The following LRBA variants were observed in gnomAD, a reference collection of about 807,000 sequenced individuals.
LRBA encodes LPS responsive beige-like anchor protein, also known as lipopolysaccharide-responsive and beige-like anchor protein.
LRBA carries 176 observed loss-of-function variants against 330.0 expected under a neutral mutation model. That is an observed-to-expected ratio of 0.53 (90% CI 0.47 to 0.60). The LOEUF is 0.60. Ranked by LOEUF, LRBA falls within the 20% of genes least tolerant of loss-of-function variation. The pLI is 0.00. For synonymous variants in LRBA, 1,230 were observed against 1,193.0 expected (o/e 1.03, Z -0.64); for missense variants, 3,259 against 3,444.8 (o/e 0.95, Z 1.35).
intron 2 of LRBA, among the ~76,000 whole-genome samples, chr4:150,960,877 C>T (rs1184111580): frequency 6.7e-6 from 1 of 149,458 alleles, no homozygotes; most frequent in Non-Finnish European, 1.5e-5. Context: ...TTGTAACTCA[C>T]AGCCTGTATT....
chr4:150,422,854 C>T (rs1339459628), intron 46 of LRBA: 12 of 1,312,880 alleles, frequency 9.1e-6, no homozygotes, highest in Admixed American at 3.4e-5. Flanking sequence ...AACTCCACCA[C>T]GTGATCCACC....
At chr4:150,886,245 T>C (rs952354405) in intron 17 of LRBA, among the ~76,000 whole-genome samples, 9 of 152,140 alleles carry the variant, frequency 5.9e-5, no homozygotes, top group African/African-American at 2.2e-4. Context: ...AATCTGCCCC[T>C]GTTTCAGGGC....
At chr4:150,914,377 C>CAAA in intron 8 of LRBA, 36 bp from the exon 9 acceptor site, 3 of 1,354,932 alleles carry the variant, frequency 2.2e-6, no homozygotes, top group African/African-American at 1.5e-5. Context: ...TAGGAAAAAA[C>CAAA]AAAAAAAAAC....
intron 36 of LRBA, among the ~76,000 whole-genome samples, chr4:150,691,078 T>C (rs989233674): frequency 6.6e-6 from 1 of 151,926 alleles, no homozygotes; most frequent in Admixed American, 6.6e-5. Flanking sequence ...CACAGGCGCC[T>C]GCCACCATGC....
intron 37 of LRBA, among the ~76,000 whole-genome samples, chr4:150,653,659 T>G (rs906468769): frequency 6.6e-6 from 1 of 152,298 alleles, no homozygotes; most frequent in East Asian, 1.9e-4. Context: ...AAAAATACTG[T>G]TTAACTTTAA....
intron 46 of LRBA, among the ~76,000 whole-genome samples, chr4:150,430,067 T>C (rs1750167650): frequency 1.3e-5 from 2 of 152,264 alleles, no homozygotes; most frequent in African/African-American, 4.8e-5. Context: ...GTGCTATATA[T>C]ATATGCCCAA....
At chr4:150,547,012 T>C (rs1367996378) in intron 40 of LRBA, among the ~76,000 whole-genome samples, 11 of 152,212 alleles carry the variant, frequency 7.2e-5, no homozygotes, top group Admixed American at 3.9e-4. Flanking sequence ...AGTTTAACTT[T>C]GTTGATTTAA....
chr4:150,465,121 C>T (rs1448717896), intron 44 of LRBA, among the ~76,000 whole-genome samples: 1 of 152,030 alleles, frequency 6.6e-6, no homozygotes, highest in East Asian at 1.9e-4. Flanking sequence ...TTTCACAACT[C>T]TAAGTACCTC....
intron 37 of LRBA, among the ~76,000 whole-genome samples, chr4:150,660,468 G>A (rs1386987607): frequency 6.6e-5 from 10 of 151,536 alleles, no homozygotes; most frequent in Admixed American, 1.3e-4. Flanking sequence ...CGCCCCGTCC[G>A]GGAGGGAGGT....
chr4:150,518,793 C>T (rs1231941553), intron 40 of LRBA, among the ~76,000 whole-genome samples: 1 of 152,100 alleles, frequency 6.6e-6, no homozygotes, highest in African/African-American at 2.4e-5. Flanking sequence ...AAACACAGTC[C>T]TCTGTTAACA....
At chr4:150,454,241 G>A (rs1307567320) in intron 44 of LRBA, among the ~76,000 whole-genome samples, 1 of 152,064 alleles carries the variant, frequency 6.6e-6, no homozygotes, top group Non-Finnish European at 1.5e-5. Flanking sequence ...TTACAGGCGT[G>A]AGCCACCACA....
chr4:150,914,528 G>A (rs1235189404), intron 8 of LRBA, among the ~76,000 whole-genome samples, 187 bp from the exon 9 acceptor site: 2 of 152,122 alleles, frequency 1.3e-5, no homozygotes, highest in African/African-American at 4.8e-5. Flanking sequence ...AGGGGATATA[G>A]AAAAGTTTGA....
chr4:150,891,097 A>G (rs1043015499), intron 17 of LRBA, among the ~76,000 whole-genome samples: 4 of 152,230 alleles, frequency 2.6e-5, no homozygotes, highest in African/African-American at 9.6e-5. Flanking sequence ...TTCAGTTATT[A>G]GATAGGAAAT....
intron 17 of LRBA, among the ~76,000 whole-genome samples, chr4:150,874,465 G>A (rs2127016027): frequency 6.6e-6 from 1 of 152,302 alleles, no homozygotes; most frequent in African/African-American, 2.4e-5. Flanking sequence ...CCAGAATTGT[G>A]AAAACTGCCT....
At chr4:150,979,636 T>C (rs774664940) in intron 2 of LRBA, among the ~76,000 whole-genome samples, 101 of 152,128 alleles carry the variant, frequency 6.6e-4, no homozygotes, top group Middle Eastern at 6.8e-3. Flanking sequence ...GAGCTTTTAT[T>C]AGTTTTCTTT....
chr4:150,661,777 ATTTATTTT>A (rs935172789), intron 37 of LRBA, among the ~76,000 whole-genome samples: 15 of 151,686 alleles, frequency 9.9e-5, no homozygotes, highest in African/African-American at 3.1e-4. Flanking sequence ...CACCTAGTTA[ATTTATTTT>A]TTTATTTTTT....
At chr4:150,743,908 TATCA>T (rs1732344997) in intron 35 of LRBA, among the ~76,000 whole-genome samples, 1 of 152,244 alleles carries the variant, frequency 6.6e-6, no homozygotes, top group Admixed American at 6.5e-5. Flanking sequence ...TCTGCCATTC[TATCA>T]CTTTGTTTCG....
intron 47 of LRBA, among the ~76,000 whole-genome samples, chr4:150,389,385 T>C: frequency 6.8e-6 from 1 of 147,564 alleles, no homozygotes; most frequent in African/African-American, 2.6e-5. Context: ...AAATAAATAC[T>C]CCATAGGAGA....
At chr4:150,728,860 C>A (rs777786611) in intron 36 of LRBA, among the ~76,000 whole-genome samples, 6 of 152,050 alleles carry the variant, frequency 3.9e-5, no homozygotes, top group Non-Finnish European at 7.4e-5. Context: ...AGTAATCCAA[C>A]AAGAGAAGGA....
Sources: gnomAD v4.1 joint callset for allele counts (sites outside exome capture counted in the v4.1 genomes callset) on GRCh38, gnomAD v4.1.1 for gene constraint, MANE v1.5 for transcripts, NCBI Gene and HGNC (gene_info 2026-07-23, HGNC 2026-07-21) for gene names.